ARHGEF18: variants seen among roughly 807,000 people sequenced by gnomAD.
The protein encoded by ARHGEF18 is Rho/Rac guanine nucleotide exchange factor 18, also known as rho guanine nucleotide exchange factor 18.
A neutral mutation model predicts 155.7 loss-of-function variants in ARHGEF18; 93 were observed. The observed-to-expected ratio is 0.60, with a 90% CI of 0.50 to 0.71. The LOEUF is 0.71. Ranked by LOEUF, ARHGEF18 falls within the 30% of genes least tolerant of loss-of-function variation. The pLI, the probability that ARHGEF18 is intolerant of heterozygous loss-of-function variation, is 0.00. For synonymous variants in ARHGEF18, 742 were observed against 753.1 expected (o/e 0.99, Z 0.24); for missense variants, 1,593 against 1,816.1 (o/e 0.88, Z 2.23).
chr19:7,353,597 A>G (rs1213825824), intron 1 of ARHGEF18, among the ~76,000 whole-genome samples: 2 of 151,732 alleles, frequency 1.3e-5, no homozygotes, highest in South Asian at 2.1e-4. Context: ...TCTCAAAAAA[A>G]AAAAAGAAAA....
intron 10 of ARHGEF18, among the ~76,000 whole-genome samples, chr19:7,396,491 G>A (rs1416163135): frequency 1.3e-5 from 2 of 152,144 alleles, no homozygotes; most frequent in African/African-American, 4.8e-5. Context: ...GCCAAGGTGG[G>A]TGGATCACGA....
At chr19:7,478,170 C>T in the ARHGEF18 span, 2 of 838,216 alleles carry the variant, frequency 2.4e-6, no homozygotes, top group Non-Finnish European at 3.7e-6. Flanking sequence ...AAAGGTACCG[C>T]CACCCACCAG....
In ARHGEF18 at chr19:7,395,758, A is replaced by G. The variant is rs1971663713; in HGVS notation, c.967+12555A>G. 6.6e-6 allele frequency among the ~76,000 whole-genome samples: 1 copy of G among 152,192 alleles called. No homozygotes were observed. Among genetic ancestry groups the G allele is most frequent in the East Asian group, 1.9e-4 (1 of 5,190 alleles). On this transcript the variant is annotated intron_variant, in intron 10 of 28. Coordinates refer to ENST00000668164, the MANE Select transcript of ARHGEF18 (RefSeq NM_001367823.1). This position sits in a 1 kb window ranked among gnomAD's most constrained non-coding sequence, Gnocchi z 5.0. ...TGTGCCATGGGTTTTAGTTTCTTGT[A>G]TAAGAACTCAGTTGGTGCTTTCATT...
Position 7,451,230 on chromosome 19 carries a change from C to G in ARHGEF18, c.1819C>G (p.Pro607Ala). 6.2e-7 allele frequency: 1 copy of G among 1,610,930 alleles called. No individual in the cohort carries two copies. Among genetic ancestry groups the G allele is most frequent in the East Asian group, 2.2e-5 (1 of 44,772 alleles). The change falls in exon 16 of 29, where the codon CCA (proline) becomes GCA (alanine). Residue 607 changes from proline (P) to alanine (A), a missense_variant. Physicochemically the swap from Pro to Ala is conservative, Grantham distance 27. Transcript: ENST00000668164. ...LLVTQRITKY[P>A]VLVERIIQNT... ...GGTTACACAACGCATAACCAAATAC[C>G]CAGTGCTGGTGGAGCGCATCATCCA...
At chr19:7,433,196 G>A (rs2145732083) in intron 10 of ARHGEF18, among the ~76,000 whole-genome samples, 1 of 151,182 alleles carries the variant, frequency 6.6e-6, no homozygotes, top group African/African-American at 2.4e-5. Flanking sequence ...GCCGGGCACG[G>A]TGGCTCACAC....
chr19:7,390,172 G>A (rs570319776), intron 10 of ARHGEF18, among the ~76,000 whole-genome samples: 15 of 152,258 alleles, frequency 9.9e-5, no homozygotes, highest in Admixed American at 7.9e-4. Context: ...TCTAGCCTGT[G>A]CCACAGAGCA....
chr19:7,419,786 C>G (rs1424916258), intron 10 of ARHGEF18, among the ~76,000 whole-genome samples: 1 of 151,946 alleles, frequency 6.6e-6, no homozygotes, highest in Non-Finnish European at 1.5e-5. Flanking sequence ...GACTTCTGAA[C>G]CCCAAGCCCA....
intron 1 of ARHGEF18, chr19:7,355,703 G>T: frequency 1.0e-6 from 1 of 985,440 alleles, no homozygotes; most frequent in Non-Finnish European, 1.2e-6. Context: ...CTTCAAGAGA[G>T]GTAAGCAGCT....
chr19:7,387,781 C>T (rs891010832), intron 10 of ARHGEF18, among the ~76,000 whole-genome samples: 1 of 151,768 alleles, frequency 6.6e-6, no homozygotes, highest in Non-Finnish European at 1.5e-5. Context: ...GCGATTCTCA[C>T]GCCTCAGCCT....
chr19:7,406,075 A>T lies in ARHGEF18; in HGVS notation c.967+22872A>T, dbSNP rs149686046. On this transcript the variant is annotated intron_variant, in intron 10 of 28. Coordinates refer to ENST00000668164, the MANE Select transcript of ARHGEF18 (RefSeq NM_001367823.1). The stretch of plus-strand genomic sequence containing the variant: ...GAGGAGGTCTTCAGGAGAACACCAG[A>T]TTCTTTTTGTTGTTGTTGTTATTGA... 7.3e-3 allele frequency among the ~76,000 whole-genome samples: 1,102 copies of T among 151,814 alleles called. 10 individuals carry two copies. Among genetic ancestry groups the T allele is most frequent in the African/African-American group, 0.025 (1,053 of 41,418 alleles).
intron 2 of ARHGEF18, among the ~76,000 whole-genome samples, chr19:7,366,843 A>G (rs1049618514): frequency 3.3e-5 from 5 of 151,586 alleles, no homozygotes; most frequent in Admixed American, 2.6e-4. Flanking sequence ...GCTCACTGCA[A>G]CCTCTGCCTC....
intron 2 of ARHGEF18, among the ~76,000 whole-genome samples, chr19:7,367,805 T>C (rs1403487486): frequency 7.9e-5 from 8 of 101,462 alleles, no homozygotes; most frequent in African/African-American, 2.6e-4. Flanking sequence ...TATATACACA[T>C]ATATATATTT....
intron 10 of ARHGEF18, among the ~76,000 whole-genome samples, chr19:7,407,955 C>A (rs1972427481): frequency 9.6e-6 from 1 of 104,588 alleles, no homozygotes; most frequent in East Asian, 2.5e-4. Flanking sequence ...GAGCGAGACT[C>A]CGTCTCAAAA....
At chr19:7,448,880 T>G (rs145611456) in intron 15 of ARHGEF18, among the ~76,000 whole-genome samples, 101 of 152,214 alleles carry the variant, frequency 6.6e-4, no homozygotes, top group African/African-American at 2.4e-3. Context: ...TCTATCAACA[T>G]TCACCTCTTT....
chr19:7,418,201 A>G (rs1345486143), intron 10 of ARHGEF18, among the ~76,000 whole-genome samples: 4 of 152,198 alleles, frequency 2.6e-5, no homozygotes, highest in Non-Finnish European at 4.4e-5. Context: ...AATGTTCTCT[A>G]TCACAGCCAA....
intron 23 of ARHGEF18, 67 bp from the exon 24 acceptor site, chr19:7,466,851 G>GAAGAAGAAC: frequency 1.3e-6 from 1 of 791,928 alleles, no homozygotes; most frequent in Non-Finnish European, 2.0e-6. Flanking sequence ...AGAAGAAGAA[G>GAAGAAGAAC]AAGGCTTGAG....
downstream of ARHGEF18, chr19:7,477,476 C>G: frequency 7.3e-7 from 1 of 1,364,342 alleles, no homozygotes; most frequent in Non-Finnish European, 9.5e-7. Context: ...CACGCTCACA[C>G]CTGCCTGCCC....
chr19:7,456,516 A>G, intron 18 of ARHGEF18, 113 bp downstream of exon 18: 1 of 961,482 alleles, frequency 1.0e-6, no homozygotes, highest in East Asian at 2.5e-5. Context: ...CAAGAGTTGA[A>G]GTCCAGCCTG....
chr19:7,467,494 A>G lies in ARHGEF18; in HGVS notation c.3290A>G (p.Gln1097Arg). ...RLQEREGEAR[Q>R]LRERLEQERA... ...CAGGAGCGCGAGGGCGAGGCGCGGC[A>G]GCTACGCGAGCGGCTGGAGCAGGAG... Residue 1097 changes from glutamine to arginine, a missense_variant, in exon 26 of 29, where the codon CAG becomes CGG. Coordinates refer to ENST00000668164, the MANE Select transcript of ARHGEF18 (RefSeq NM_001367823.1). 1 of 1,435,656 alleles carries G rather than the reference A, an allele frequency of 7.0e-7. No individual in the cohort carries two copies. The highest frequency in any genetic ancestry group is 9.0e-7 in the Non-Finnish European group (1 of 1,106,524). 88.9% of individuals were successfully genotyped at this position (1,435,656 alleles called of 1,614,324 possible). A position where few individuals can be genotyped will look rare whatever the true frequency, so the allele number is the denominator to read the frequency against.
Sources: allele counts gnomAD v4.1 joint callset (sites outside exome capture counted in the v4.1 genomes callset), GRCh38; gene constraint gnomAD v4.1.1; non-coding constraint Gnocchi (gnomAD v3.1); transcripts MANE v1.5; gene names NCBI Gene and HGNC (gene_info 2026-07-23, HGNC 2026-07-21).